Variants in SLC35F4 observed in about 807,000 individuals in gnomAD.
SLC35F4 encodes chromosome 14 open reading frame 36.
In SLC35F4, 24 loss-of-function variants were observed where a neutral mutation model predicts 44.2. The observed-to-expected ratio is 0.54, with a 90% CI of 0.39 to 0.76. The LOEUF is 0.76. SLC35F4 is among the 30% of genes least tolerant of loss of function. The pLI is 0.00. For missense variants in SLC35F4, 562 were observed against 586.1 expected (o/e 0.96, Z 0.42); for synonymous variants, 238 against 223.6 (o/e 1.06, Z -0.57).
chr14:57,826,922 A>C (rs1332429904), intron 1 of SLC35F4, among the ~76,000 whole-genome samples: 1 of 152,232 alleles, frequency 6.6e-6, no homozygotes, highest in Non-Finnish European at 1.5e-5. Flanking sequence ...AATGTAAATT[A>C]GTTCAACCAT....
intron 3 of SLC35F4, among the ~76,000 whole-genome samples, chr14:57,585,692 C>A (rs1292990703): frequency 1.3e-5 from 2 of 151,958 alleles, no homozygotes; most frequent in Non-Finnish European, 2.9e-5. Context: ...TTCCTATACA[C>A]CAGTAATAGC....
intron 1 of SLC35F4, among the ~76,000 whole-genome samples, chr14:57,908,730 G>C (rs1372299427): frequency 6.6e-6 from 1 of 152,114 alleles, no homozygotes; most frequent in Non-Finnish European, 1.5e-5. Flanking sequence ...CCATTCTGTA[G>C]GTTGCCTGCT....
At chr14:57,750,653 T>A (rs2076862754) in intron 1 of SLC35F4, among the ~76,000 whole-genome samples, 1 of 152,218 alleles carries the variant, frequency 6.6e-6, no homozygotes, top group African/African-American at 2.4e-5. Flanking sequence ...TTTGCACATA[T>A]CTGTTGGCCA....
At position 57,702,337 on chromosome 14, in the gene SLC35F4, A is replaced by C. The variant is rs80243828; in HGVS notation, c.104-108213T>G. ...AAATAAATATCATTTTCTTTAAAAA[A>C]AAAAAAAAAAAAAGGAAAACAGGGT... On this transcript the variant is annotated intron_variant, in intron 1 of 7. Transcript: ENST00000556826. 9.6e-5 allele frequency among the ~76,000 whole-genome samples: 12 copies of C among 125,242 alleles called. 1 individual carries two copies. In the South Asian group the frequency reaches 2.3e-3, roughly 24 times the overall value. The allele number at this position is 125,242 out of a possible 152,430, so 82.2% of individuals were successfully genotyped here.
chr14:57,675,633 T>A (rs548310689), intron 1 of SLC35F4, among the ~76,000 whole-genome samples: 1 of 152,212 alleles, frequency 6.6e-6, no homozygotes, highest in Admixed American at 6.5e-5. Flanking sequence ...CCATTCAGTA[T>A]GATGTTGGCT....
intron 1 of SLC35F4, among the ~76,000 whole-genome samples, chr14:57,667,159 C>T (rs573428017): frequency 6.7e-6 from 1 of 148,296 alleles, no homozygotes; most frequent in Non-Finnish European, 1.5e-5. Flanking sequence ...GATGCATATG[C>T]GCTCCTGTGT....
intron 1 of SLC35F4, among the ~76,000 whole-genome samples, chr14:57,918,245 T>C (rs140443611): frequency 1.3e-5 from 2 of 152,266 alleles, no homozygotes; most frequent in Admixed American, 1.3e-4. Flanking sequence ...GGCCTTTCTA[T>C]GACTCGGTCT....
At chr14:57,938,362 G>A (rs975592638) in intron 1 of SLC35F4, among the ~76,000 whole-genome samples, 2 of 152,182 alleles carry the variant, frequency 1.3e-5, no homozygotes, top group African/African-American at 4.8e-5. Context: ...CAACAGTCCA[G>A]TGTAATTGAG....
intron 1 of SLC35F4, among the ~76,000 whole-genome samples, chr14:57,880,092 G>T (rs1270890091): frequency 8.5e-6 from 1 of 117,052 alleles, no homozygotes; most frequent in Non-Finnish European, 1.8e-5. Flanking sequence ...AAGGAAGGAA[G>T]GAAGGAAGGA....
intron 1 of SLC35F4, among the ~76,000 whole-genome samples, chr14:57,893,668 G>A (rs1888817735): frequency 6.6e-6 from 1 of 152,118 alleles, no homozygotes; most frequent in South Asian, 2.1e-4. Flanking sequence ...CTGGACCACA[G>A]GACATTAACA....
intron 1 of SLC35F4, among the ~76,000 whole-genome samples, chr14:57,832,451 T>C (rs1478625542): frequency 3.3e-5 from 5 of 152,232 alleles, no homozygotes; most frequent in Non-Finnish European, 7.3e-5. Flanking sequence ...ATGAGGACTA[T>C]AGTTAAGAAA....
chr14:57,698,479 T>C (rs2075444878), intron 1 of SLC35F4, among the ~76,000 whole-genome samples: 3 of 152,190 alleles, frequency 2.0e-5, no homozygotes, highest in African/African-American at 7.2e-5. Context: ...CAACAAAGTG[T>C]GAAAACATAT....
At chr14:57,784,403 G>T (rs2077705330) in intron 1 of SLC35F4, among the ~76,000 whole-genome samples, 1 of 152,188 alleles carries the variant, frequency 6.6e-6, no homozygotes. Flanking sequence ...CATTTTTAGG[G>T]CTGGGTGTAC....
chr14:57,903,185 G>A (rs1353487925), intron 1 of SLC35F4, among the ~76,000 whole-genome samples: 1 of 152,174 alleles, frequency 6.6e-6, no homozygotes, highest in Admixed American at 6.5e-5. Context: ...TTGTAGTAGG[G>A]AAGAGAGATC....
At chr14:57,600,108 T>G (rs187041978) in intron 1 of SLC35F4, among the ~76,000 whole-genome samples, 1 of 152,296 alleles carries the variant, frequency 6.6e-6, no homozygotes, top group East Asian at 1.9e-4. Context: ...GATCACAAAG[T>G]CAGGGGTTAG....
At chr14:57,964,836 A>G (rs1890404838) in intron 1 of SLC35F4, among the ~76,000 whole-genome samples, 1 of 151,952 alleles carries the variant, frequency 6.6e-6, no homozygotes, top group African/African-American at 2.4e-5. Context: ...AGAAGATTAC[A>G]GTTACTGTTT....
intron 1 of SLC35F4, among the ~76,000 whole-genome samples, chr14:57,903,889 C>G (rs1177390925): frequency 6.6e-6 from 1 of 152,172 alleles, no homozygotes; most frequent in Non-Finnish European, 1.5e-5. Context: ...CTGAGCATAT[C>G]TATCTCAAAA....
At chr14:57,600,880 C>T (rs1388141943) in intron 1 of SLC35F4, among the ~76,000 whole-genome samples, 1 of 151,884 alleles carries the variant, frequency 6.6e-6, no homozygotes, top group Non-Finnish European at 1.5e-5. Flanking sequence ...TAGAAACCCA[C>T]ATGGAATCTG....
intron 1 of SLC35F4, among the ~76,000 whole-genome samples, chr14:57,901,464 G>A (rs1888999586): frequency 6.6e-6 from 1 of 152,132 alleles, no homozygotes; most frequent in Admixed American, 6.5e-5. Flanking sequence ...AGTAGGAGCT[G>A]AATGAGGAGA....
Sources: gnomAD v4.1 joint callset for allele counts (sites outside exome capture counted in the v4.1 genomes callset) on GRCh38, gnomAD v4.1.1 for gene constraint, MANE v1.5 for transcripts, NCBI Gene and HGNC (gene_info 2026-07-23, HGNC 2026-07-21) for gene names.